Variants in PDE5A observed in about 807,000 individuals in gnomAD.
PDE5A encodes phosphodiesterase 5A, also known as cGMP-specific 3',5'-cyclic phosphodiesterase.
In PDE5A, 67 loss-of-function variants were observed where a neutral mutation model predicts 110.2. The observed-to-expected ratio is 0.61, with a 90% confidence interval of 0.50 to 0.75. The LOEUF (loss-of-function observed/expected upper bound fraction) is 0.75. Ranked by LOEUF, PDE5A falls within the 30% of genes least tolerant of loss-of-function variation. The pLI is 0.00. For synonymous variants in PDE5A, 328 were observed against 351.2 expected (o/e 0.93, Z 0.74); for missense variants, 862 against 1,045.1 (o/e 0.82, Z 2.42).
At chr4:119,623,545 C>T (rs764231810) in intron 1 of PDE5A, among the ~76,000 whole-genome samples, 33 of 152,062 alleles carry the variant, frequency 2.2e-4, no homozygotes, top group Non-Finnish European at 2.5e-4. Context: ...GGACACACTC[C>T]CTATAATCAG....
intron 3 of PDE5A, among the ~76,000 whole-genome samples, chr4:119,570,606 CTGGT>C (rs912905717): frequency 8.5e-5 from 13 of 152,176 alleles, no homozygotes; most frequent in African/African-American, 2.7e-4. Flanking sequence ...AATGTGACAG[CTGGT>C]TGTTTCAGGG....
At chr4:119,620,112 C>T (rs1446803890) in intron 1 of PDE5A, among the ~76,000 whole-genome samples, 2 of 152,166 alleles carry the variant, frequency 1.3e-5, no homozygotes, top group Non-Finnish European at 2.9e-5. Context: ...AAAGTGTCAC[C>T]ACCAAATGCC....
At chr4:119,576,977 T>A (rs961071571) in intron 3 of PDE5A, among the ~76,000 whole-genome samples, 1 of 151,936 alleles carries the variant, frequency 6.6e-6, no homozygotes. Context: ...AAGAATCAAA[T>A]AGGTGCAATA....
intron 1 of PDE5A, among the ~76,000 whole-genome samples, chr4:119,609,126 C>T (rs961552664): frequency 2.0e-5 from 3 of 151,740 alleles, no homozygotes; most frequent in African/African-American, 7.3e-5. Context: ...CGCGCCATTG[C>T]ACTCCAGCCT....
At chr4:119,538,794 A>AC in intron 11 of PDE5A, 166 bp downstream of exon 11, 1 of 657,040 alleles carries the variant, frequency 1.5e-6, no homozygotes, top group Admixed American at 2.2e-5. Context: ...CACAGTCAGT[A>AC]TAAGTTATTT....
intron 9 of PDE5A, among the ~76,000 whole-genome samples, chr4:119,547,157 G>A (rs1027495297): frequency 1.5e-5 from 2 of 136,428 alleles, no homozygotes; most frequent in Admixed American, 1.5e-4. Flanking sequence ...TTACTCCCAT[G>A]AACAATTCTA....
Position 119,627,340 on chromosome 4 carries a change from C to A in PDE5A, c.152+1180G>T, listed in dbSNP as rs1439271430. 1.9e-6 allele frequency: 2 copies of A among 1,071,410 alleles called. No homozygotes were observed. Among genetic ancestry groups the A allele is most frequent in the African/African-American group, 1.7e-5 (1 of 58,950 alleles). The allele number at this position is 1,071,410 out of a possible 1,614,324, so 66.4% of individuals were successfully genotyped here. On this transcript the variant is annotated intron_variant, in intron 1 of 20. Coordinates refer to ENST00000354960, the MANE Select transcript of PDE5A (RefSeq NM_001083.4). The surrounding 1 kb of genome is among the most constrained non-coding windows in gnomAD (Gnocchi z 4.6). ...CGCCGCCCGTCGCCTCCCGCTCGCC[C>A]CGCGCTGCGCCGCCCCCTGGCGGGG...
chr4:119,576,385 C>G (rs1223759479), intron 3 of PDE5A, among the ~76,000 whole-genome samples: 2 of 152,126 alleles, frequency 1.3e-5, no homozygotes, highest in African/African-American at 4.8e-5. Context: ...AGAATATACA[C>G]TCTTCAGAGC....
intron 3 of PDE5A, among the ~76,000 whole-genome samples, chr4:119,588,351 TA>T (rs1728842879): frequency 6.6e-6 from 1 of 151,958 alleles, no homozygotes. Context: ...CTAATTTTTG[TA>T]TTTTTCGTAG....
At chr4:119,572,407 C>A (rs1399039811) in intron 3 of PDE5A, among the ~76,000 whole-genome samples, 2 of 152,176 alleles carry the variant, frequency 1.3e-5, no homozygotes, top group Non-Finnish European at 2.9e-5. Context: ...TTAATTATGT[C>A]TTCCCATTTT....
At chr4:119,502,509 G>A (rs1355481487) in intron 19 of PDE5A, 72 bp downstream of exon 19, 1 of 825,954 alleles carries the variant, frequency 1.2e-6, no homozygotes, top group African/African-American at 1.7e-5. Flanking sequence ...ATCCCATAGA[G>A]CCATAAAAAG....
At chr4:119,595,624 G>A (rs1259416637) in intron 3 of PDE5A, among the ~76,000 whole-genome samples, 1 of 152,132 alleles carries the variant, frequency 6.6e-6, no homozygotes, top group Non-Finnish European at 1.5e-5. Flanking sequence ...TGAGACAACA[G>A]AACTTCAAAT....
At chr4:119,542,695 T>TG in intron 9 of PDE5A, 61 bp from the exon 10 acceptor site, 2 of 1,468,520 alleles carry the variant, frequency 1.4e-6, no homozygotes, top group Non-Finnish European at 1.9e-6. Flanking sequence ...TTTGTGGACT[T>TG]TAACAAACAC....
At chr4:119,509,273 A>C (rs758388295) in intron 15 of PDE5A, among the ~76,000 whole-genome samples, 13 of 152,106 alleles carry the variant, frequency 8.5e-5, no homozygotes, top group Non-Finnish European at 1.9e-4. Flanking sequence ...CCAGTCTGGC[A>C]GGTCTGGAGG....
intron 10 of PDE5A, chr4:119,542,012 T>C (rs544328327): frequency 6.5e-6 from 1 of 153,034 alleles, no homozygotes; most frequent in East Asian, 1.9e-4. Flanking sequence ...TTTTATTTTT[T>C]CTTTTCCTCA....
intron 3 of PDE5A, among the ~76,000 whole-genome samples, chr4:119,593,073 C>G (rs1478216782): frequency 6.6e-6 from 1 of 152,314 alleles, no homozygotes; most frequent in East Asian, 1.9e-4. Flanking sequence ...AAGACTGATA[C>G]ACTATGTGTT....
In PDE5A at chr4:119,507,645, G is replaced by A. The variant is rs185987162; in HGVS notation, c.2148C>T (p.Ile716=). Residue 716 remains isoleucine, a synonymous_variant, in exon 16 of 21, where the codon ATC becomes ATT. Transcript: ENST00000354960. ...IEEYKTTLKI[I]KQAILATDLA... The stretch of plus-strand genomic sequence containing the variant: ...GGTCTGTAGCTAAAATAGCTTGCTT[G>A]ATTATTTTCAACGTGGTCTTATATT... 6.3e-7 allele frequency: 1 copy of A among 1,583,426 alleles called. No homozygotes were observed.
rs1326607636 is a variant in PDE5A, at chr4:119,496,612, A to G, written c.*1989T>C. 2.0e-5 allele frequency: 3 copies of G among 152,614 alleles called. No individual in the cohort carries two copies. The highest frequency in any genetic ancestry group is 4.8e-5 in the African/African-American group (2 of 41,460). 9.5% of individuals were successfully genotyped at this position (152,614 alleles called of 1,614,324 possible). On this transcript the variant is annotated 3_prime_UTR_variant, in exon 21 of 21. Transcript: ENST00000354960. ...AAACAAACTACTAAAGCATAAGTAC[A>G]TATTTTAGCATAACTGCTAAATCAC...
Position 119,525,450 on chromosome 4 carries a change from A to C in PDE5A, c.1779+99T>G. ...CAGTATATTAATCACTAAAATGTAAAAATCCCTATTCCATATTTGCATTCA... is the reference window on the plus strand; with the variant it reads ...CAGTATATTAATCACTAAAATGTAACAATCCCTATTCCATATTTGCATTCA... On this transcript the variant is annotated intron_variant, in intron 12 of 20. Transcript: ENST00000354960. This position sits in a 1 kb window ranked among gnomAD's most constrained non-coding sequence, Gnocchi z 4.3. 1 of 1,142,560 alleles carries C rather than the reference A, an allele frequency of 8.8e-7. No individual in the cohort carries two copies. 70.8% of individuals were successfully genotyped at this position (1,142,560 alleles called of 1,614,324 possible).
Sources: allele counts gnomAD v4.1 joint callset (sites outside exome capture counted in the v4.1 genomes callset), GRCh38; gene constraint gnomAD v4.1.1; non-coding constraint Gnocchi (gnomAD v3.1); transcripts MANE v1.5; gene names NCBI Gene and HGNC (gene_info 2026-07-23, HGNC 2026-07-21).